ZMAT4: variants seen among roughly 807,000 people sequenced by gnomAD.
ZMAT4 encodes the protein zinc finger matrin-type protein 4.
A neutral mutation model predicts 28.7 loss-of-function variants in ZMAT4; 17 were observed. That is an observed-to-expected ratio of 0.59 (90% CI 0.41 to 0.89). The LOEUF (loss-of-function observed/expected upper bound fraction) is 0.89, where lower values mean the gene tolerates loss of function less well. Among genes scored for constraint, ZMAT4 ranks in the 40% least tolerant of loss-of-function variants. ZMAT4 has a pLI of 0.00. For synonymous variants in ZMAT4, 117 were observed against 109.2 expected, an observed-to-expected ratio of 1.07 and a Z score of -0.44; for missense variants, 240 against 283.8, an observed-to-expected ratio of 0.85 and a Z score of 1.11.
chr8:40,739,291 C>A (rs1811901420), intron 3 of ZMAT4, among the ~76,000 whole-genome samples: 1 of 152,164 alleles, frequency 6.6e-6, no homozygotes. Flanking sequence ...GCAAATTAGA[C>A]CCTTCTCGTA....
At chr8:40,643,923 AG>A (rs1807177930) in intron 5 of ZMAT4, among the ~76,000 whole-genome samples, 1 of 152,166 alleles carries the variant, frequency 6.6e-6, no homozygotes, top group South Asian at 2.1e-4. Context: ...GAAGCTGGAG[AG>A]GAAAATAGAA....
At chr8:40,745,695 C>G (rs533105678) in intron 3 of ZMAT4, among the ~76,000 whole-genome samples, 79 of 152,202 alleles carry the variant, frequency 5.2e-4, no homozygotes, top group African/African-American at 1.9e-3. Flanking sequence ...GCCAGATCTG[C>G]CAGGCAATAT....
intron 5 of ZMAT4, among the ~76,000 whole-genome samples, chr8:40,620,582 G>A (rs546987181): frequency 1.0e-3 from 158 of 152,256 alleles, no homozygotes; most frequent in African/African-American, 3.6e-3. Flanking sequence ...AGATGCTCTC[G>A]ATGTAAAAAT....
At position 40,801,967 on chromosome 8, in the gene ZMAT4, G is replaced by GA. The variant is rs201710149; in HGVS notation, c.102+23607dup. ...ATCCGTTGCATCAACGGGCTAAAGA[G>GA]AAAAAAAAATCGCATGATCTATTAA... On this transcript the variant is annotated intron_variant, in intron 2 of 6. Transcript: ENST00000297737. Among the ~76,000 whole-genome samples the GA allele has an allele frequency of 9.5e-3, 1,438 of 150,578 alleles. 23 individuals carry two copies. The highest frequency in any genetic ancestry group is 0.033 in the African/African-American group (1,366 of 41,094).
In ZMAT4 at chr8:40,825,563, C is replaced by T. The variant is rs764105373; in HGVS notation, c.102+12G>A. 18 of 1,550,278 alleles carry T rather than the reference C, an allele frequency of 1.2e-5. No homozygotes were observed. The highest frequency in any genetic ancestry group is 2.0e-5 in the Admixed American group (1 of 50,966). ...CTACATTTGCAAACAGAGTGGGAAA[C>T]GCTGTCCTTACCTCGTAGTGGGCCA... On this transcript the variant is annotated intron_variant, in intron 2 of 6. Transcript: ENST00000297737.
At chr8:40,777,840 G>A (rs1813667368) in intron 2 of ZMAT4, among the ~76,000 whole-genome samples, 1 of 152,170 alleles carries the variant, frequency 6.6e-6, no homozygotes, top group Non-Finnish European at 1.5e-5. Context: ...AACATACTCT[G>A]ATCACCTCAT....
At chr8:40,841,393 C>T (rs1403550696) in intron 1 of ZMAT4, among the ~76,000 whole-genome samples, 1 of 152,240 alleles carries the variant, frequency 6.6e-6, no homozygotes, top group Non-Finnish European at 1.5e-5. Context: ...CGCCCCCCTG[C>T]CACCAACAAA....
chr8:40,842,090 G>T (rs1427982512), intron 1 of ZMAT4, among the ~76,000 whole-genome samples: 1 of 152,158 alleles, frequency 6.6e-6, no homozygotes, highest in Non-Finnish European at 1.5e-5. Context: ...GCCCCACAAG[G>T]CCCTCCTATA....
chr8:40,580,506 T>G (rs1212543588), intron 6 of ZMAT4, among the ~76,000 whole-genome samples: 1 of 152,244 alleles, frequency 6.6e-6, no homozygotes, highest in Admixed American at 6.5e-5. Flanking sequence ...AGACATTCTT[T>G]GCTTTTTTCA....
At chr8:40,712,670 C>A (rs1420317526) in intron 3 of ZMAT4, among the ~76,000 whole-genome samples, 1 of 152,168 alleles carries the variant, frequency 6.6e-6, no homozygotes, top group Non-Finnish European at 1.5e-5. Context: ...GCTCCAATAG[C>A]GCCATATCCT....
At chr8:40,863,654 G>A (rs919153398) in intron 1 of ZMAT4, among the ~76,000 whole-genome samples, 1 of 152,184 alleles carries the variant, frequency 6.6e-6, no homozygotes, top group African/African-American at 2.4e-5. Flanking sequence ...CAGCAAAGCA[G>A]CTCATAGCAA....
chr8:40,835,252 C>G (rs1816433902), intron 1 of ZMAT4, among the ~76,000 whole-genome samples: 1 of 152,066 alleles, frequency 6.6e-6, no homozygotes, highest in Admixed American at 6.5e-5. Context: ...AGATCACTAG[C>G]CTGCAAAGAG....
chr8:40,657,429 A>T (rs935368259), intron 5 of ZMAT4, among the ~76,000 whole-genome samples: 1 of 152,162 alleles, frequency 6.6e-6, no homozygotes, highest in African/African-American at 2.4e-5. Flanking sequence ...ATTCTTGAAG[A>T]ATATTTTCAC....
chr8:40,769,430 T>C (rs1299711020), intron 2 of ZMAT4, among the ~76,000 whole-genome samples: 2 of 152,198 alleles, frequency 1.3e-5, no homozygotes, highest in Non-Finnish European at 2.9e-5. Context: ...TACTAACATC[T>C]GTACATATTT....
At chr8:40,854,702 T>A (rs1817232935) in intron 1 of ZMAT4, among the ~76,000 whole-genome samples, 1 of 152,032 alleles carries the variant, frequency 6.6e-6, no homozygotes, top group Non-Finnish European at 1.5e-5. Context: ...GGAGCTGGCA[T>A]GGATAAGGCA....
At chr8:40,727,444 C>A (rs1648922961) in intron 3 of ZMAT4, among the ~76,000 whole-genome samples, 1 of 152,176 alleles carries the variant, frequency 6.6e-6, no homozygotes, top group South Asian at 2.1e-4. Context: ...AGGCAAAGGC[C>A]ACAGCTTAAT....
intron 6 of ZMAT4, among the ~76,000 whole-genome samples, chr8:40,557,843 A>G (rs1457823094): frequency 6.6e-6 from 1 of 152,200 alleles, no homozygotes; most frequent in African/African-American, 2.4e-5. Flanking sequence ...TAGATGATAG[A>G]TGGATAGATG....
intron 3 of ZMAT4, among the ~76,000 whole-genome samples, chr8:40,711,590 T>G (rs1240668549): frequency 6.6e-6 from 1 of 152,076 alleles, no homozygotes; most frequent in Non-Finnish European, 1.5e-5. Context: ...ACTCTTTAGG[T>G]CAAATGCCCC....
At chr8:40,586,910 G>A (rs538170375) in intron 5 of ZMAT4, among the ~76,000 whole-genome samples, 41 of 152,094 alleles carry the variant, frequency 2.7e-4, no homozygotes, top group Non-Finnish European at 4.6e-4. Context: ...GGATCATGAG[G>A]AAGAAAGTAA....
Sources: allele counts gnomAD v4.1 joint callset (sites outside exome capture counted in the v4.1 genomes callset), GRCh38; gene constraint gnomAD v4.1.1; transcripts MANE v1.5; gene names NCBI Gene and HGNC (gene_info 2026-07-23, HGNC 2026-07-21).